The following FBXL2 variants were observed in gnomAD, a reference collection of about 807,000 sequenced individuals.
FBXL2 encodes the protein F-box and leucine rich repeat protein 2, also known as F-box/LRR-repeat protein 2.
FBXL2 carries 38 observed loss-of-function variants against 69.2 expected under a neutral mutation model. The observed-to-expected ratio is 0.55, with a 90% CI of 0.42 to 0.72. The LOEUF (loss-of-function observed/expected upper bound fraction) is 0.72. FBXL2 is among the 30% of genes least tolerant of loss of function. FBXL2 has a pLI of 0.00. For synonymous variants in FBXL2, 192 were observed against 201.3 expected (o/e 0.95, Z 0.39); for missense variants, 354 against 520.3 (o/e 0.68, Z 3.11).
intron 2 of FBXL2, among the ~76,000 whole-genome samples, chr3:33,351,962 TAAA>T (rs56082631): frequency 4.5e-5 from 5 of 112,076 alleles, no homozygotes; most frequent in Admixed American, 9.4e-5. Context: ...CCCCATCACT[TAAA>T]AAAAAAAAAA....
At position 33,358,952 on chromosome 3, in the gene FBXL2, T is replaced by C; in HGVS notation, c.66-15T>C. On this transcript the variant is annotated splice_polypyrimidine_tract_variant and intron_variant, in intron 2 of 14. Coordinates refer to ENST00000484457, the MANE Select transcript of FBXL2 (RefSeq NM_012157.5). ...AACACCATCTCGTTTTTGTGTTTTT[T>C]TCCTCTCTCTGTAGAATATTTTCCT... 6.6e-7 allele frequency: 1 copy of C among 1,503,956 alleles called. No individual in the cohort carries two copies. Among genetic ancestry groups the C allele is most frequent in the Non-Finnish European group, 9.0e-7 (1 of 1,116,504 alleles). The allele number at this position is 1,503,956 out of a possible 1,614,324, so 93.2% of individuals were successfully genotyped here.
intron 2 of FBXL2, among the ~76,000 whole-genome samples, chr3:33,299,034 T>TATTTATTTATTTATTTATTC (rs906413578): frequency 2.6e-5 from 4 of 151,122 alleles, no homozygotes; most frequent in Non-Finnish European, 5.9e-5. Flanking sequence ...TAATTTTATT[T>TATTTATTTATTTATTTATTC]ATTTATTTAT....
intron 2 of FBXL2, among the ~76,000 whole-genome samples, chr3:33,313,793 A>G (rs1011360708): frequency 5.3e-5 from 8 of 152,050 alleles, no homozygotes; most frequent in Admixed American, 4.6e-4. Flanking sequence ...TTCAATTTCC[A>G]TGTTGTCATT....
At chr3:33,354,593 A>G (rs1477449872) in intron 2 of FBXL2, among the ~76,000 whole-genome samples, 1 of 152,206 alleles carries the variant, frequency 6.6e-6, no homozygotes, top group Non-Finnish European at 1.5e-5. Flanking sequence ...AATATTTTAC[A>G]GTCTGTAACA....
intron 2 of FBXL2, among the ~76,000 whole-genome samples, chr3:33,357,041 C>G (rs1227358077): frequency 6.6e-6 from 1 of 152,140 alleles, no homozygotes; most frequent in Non-Finnish European, 1.5e-5. Flanking sequence ...TACTTAACCT[C>G]TATGCTCAGT....
chr3:33,366,857 G>A (rs925224982), intron 5 of FBXL2, among the ~76,000 whole-genome samples: 19 of 152,136 alleles, frequency 1.2e-4, no homozygotes, highest in East Asian at 1.9e-4. Context: ...CCAGCTACTC[G>A]GGAGGCTGAA....
At chr3:33,353,022 C>A (rs1165339687) in intron 2 of FBXL2, among the ~76,000 whole-genome samples, 1 of 152,034 alleles carries the variant, frequency 6.6e-6, no homozygotes, top group Non-Finnish European at 1.5e-5. Context: ...AGATGACAAG[C>A]ATAAGAAAAG....
chr3:33,317,270 T>C (rs566193753), intron 2 of FBXL2, among the ~76,000 whole-genome samples: 1 of 152,236 alleles, frequency 6.6e-6, no homozygotes, highest in East Asian at 1.9e-4. Flanking sequence ...TCCCCGCCTC[T>C]CGCACCGTGT....
chr3:33,421,869 C>T, the FBXL2 span, among the ~76,000 whole-genome samples: 1 of 152,114 alleles, frequency 6.6e-6, no homozygotes, highest in East Asian at 1.9e-4. Context: ...CATGGTAAAA[C>T]CCCATCCCTA....
At chr3:33,390,150 C>A (rs1239567965), downstream of FBXL2, 2 of 626,380 alleles carry the variant, frequency 3.2e-6, no homozygotes, top group Non-Finnish European at 2.8e-6. Flanking sequence ...GGATGCTTGG[C>A]TATGGCAGTG....
At chr3:33,280,713 CA>C (rs34093056) in intron 1 of FBXL2, among the ~76,000 whole-genome samples, 25,860 of 81,660 alleles carry the variant, frequency 0.32, 1,771 homozygotes, top group East Asian at 0.53. Context: ...GCCCTGTATC[CA>C]AAAAAAAAAA....
intron 2 of FBXL2, among the ~76,000 whole-genome samples, chr3:33,346,300 A>G (rs141122127): frequency 4.5e-4 from 68 of 152,262 alleles, no homozygotes; most frequent in Admixed American, 8.5e-4. Context: ...AAACAGGGCA[A>G]TAGAAGTCTA....
chr3:33,320,649 T>G (rs2038118837), intron 2 of FBXL2, among the ~76,000 whole-genome samples: 1 of 151,948 alleles, frequency 6.6e-6, no homozygotes, highest in South Asian at 2.1e-4. Context: ...CCTGACTAAT[T>G]TTTGTATTTT....
rs562579886 is a variant in FBXL2 at position 33,284,271 on chromosome 3, A to G, written c.3+6756A>G. On this transcript the variant is annotated intron_variant, in intron 1 of 14. Coordinates refer to ENST00000484457, the MANE Select transcript of FBXL2 (RefSeq NM_012157.5). ...TGTGTCTTTGCTCTCATTGGTTTCA[A>G]AGAACATCTTTATTTCTGCCTTCAT... Among the ~76,000 whole-genome samples, 3 of 152,330 alleles carry G rather than the reference A, an allele frequency of 2.0e-5. No individual in the cohort carries two copies. The East Asian group carries it at 5.8e-4, about 29-fold the overall frequency.
At chr3:33,291,729 T>C (rs1408323851) in intron 1 of FBXL2, among the ~76,000 whole-genome samples, 1 of 151,754 alleles carries the variant, frequency 6.6e-6, no homozygotes, top group African/African-American at 2.4e-5. Context: ...ACAGAATGAA[T>C]ATCACATTAT....
At chr3:33,396,947 A>G in intron 12 of FBXL2, 1 of 1,090,980 alleles carries the variant, frequency 9.2e-7, no homozygotes, top group South Asian at 1.3e-5. Context: ...GCACACAGGC[A>G]CACACGCCAA....
the FBXL2 span, among the ~76,000 whole-genome samples, chr3:33,421,185 G>A: frequency 3.5e-4 from 54 of 152,278 alleles, no homozygotes; most frequent in Admixed American, 2.7e-3. Context: ...CCACCCTCTG[G>A]TGGCTCCATT....
At chr3:33,342,893 G>GTTTTTTTTTTTTTTTTTTTTT (rs60623868) in intron 2 of FBXL2, among the ~76,000 whole-genome samples, 1 of 99,306 alleles carries the variant, frequency 1.0e-5, no homozygotes, top group Non-Finnish European at 2.0e-5. Context: ...ACGCCCAGCT[G>GTTTTTTTTTTTTTTTTTTTTT]TTTTTTTTTT....
intron 1 of FBXL2, among the ~76,000 whole-genome samples, chr3:33,290,676 T>TA (rs1316280132): frequency 1.3e-5 from 2 of 152,106 alleles, no homozygotes; most frequent in African/African-American, 4.8e-5. Flanking sequence ...GACAGATCAA[T>TA]AAAAAATCAG....
Sources: allele counts gnomAD v4.1 joint callset (sites outside exome capture counted in the v4.1 genomes callset), GRCh38; gene constraint gnomAD v4.1.1; transcripts MANE v1.5; gene names NCBI Gene and HGNC (gene_info 2026-07-23, HGNC 2026-07-21).